The following GSE1 variants were observed in gnomAD, a reference collection of about 807,000 sequenced individuals.
GSE1 encodes Gse1 coiled-coil protein, also known as genetic suppressor element 1.
In GSE1, 32 loss-of-function variants were observed where a neutral mutation model predicts 112.6. The observed-to-expected ratio is 0.28, with a 90% CI of 0.21 to 0.38. The LOEUF (loss-of-function observed/expected upper bound fraction) is 0.38. Among genes scored for constraint, GSE1 ranks in the 10% least tolerant of loss-of-function variants. The probability of loss-of-function intolerance (pLI) is 1.00; values close to 1 mark genes in which losing one functional copy is unlikely to be tolerated. For synonymous variants in GSE1, 1,115 were observed against 735.6 expected (o/e 1.52, Z -8.35); for missense variants, 2,348 against 1,699.2 (o/e 1.38, Z -6.71).
At chr16:85,316,169 A>C (rs1235852111) in intron 1 of GSE1, among the ~76,000 whole-genome samples, 1 of 152,276 alleles carries the variant, frequency 6.6e-6, no homozygotes, top group African/African-American at 2.4e-5. Context: ...GTGCGACACC[A>C]GCCACCTATT....
chr16:85,230,150 C>T (rs546697803), intron 1 of GSE1, among the ~76,000 whole-genome samples: 2 of 152,322 alleles, frequency 1.3e-5, no homozygotes, highest in East Asian at 1.9e-4. Context: ...GCATTTTACA[C>T]GTAGGAAAAC....
intron 1 of GSE1, among the ~76,000 whole-genome samples, chr16:85,591,072 C>T (rs1291691128): frequency 6.6e-6 from 1 of 152,198 alleles, no homozygotes; most frequent in Non-Finnish European, 1.5e-5. Context: ...TACTCTTGTT[C>T]GTGTGGGAAG....
Position 85,650,553 on chromosome 16 carries a change from G to C in GSE1, c.426+1802G>C, listed in dbSNP as rs552335773. On this transcript the variant is annotated intron_variant, in intron 3 of 15. Coordinates refer to ENST00000253458, the MANE Select transcript of GSE1 (RefSeq NM_014615.5). Reference sequence around the variant, plus strand: ...TCCGGCGACTCCTCCGCTCTGAGCTGGTCCCTCCTCGGAGGGTCCTTACCG... The same window carrying C: ...TCCGGCGACTCCTCCGCTCTGAGCTCGTCCCTCCTCGGAGGGTCCTTACCG... 1.1e-4 allele frequency among the ~76,000 whole-genome samples: 16 copies of C among 152,332 alleles called. No homozygotes were observed. The South Asian group carries it at 3.3e-3, about 32-fold the overall frequency.
intron 1 of GSE1, among the ~76,000 whole-genome samples, chr16:85,346,606 TGATG>T (rs56147441): frequency 4.8e-4 from 69 of 143,404 alleles, no homozygotes; most frequent in African/African-American, 1.5e-3. Flanking sequence ...GATGGGTGGA[TGATG>T]GATGGATGGA....
chr16:85,398,544 G>A (rs747755423), intron 2 of GSE1, among the ~76,000 whole-genome samples: 2 of 152,150 alleles, frequency 1.3e-5, no homozygotes, highest in South Asian at 2.1e-4. Context: ...GAGGTAAAGC[G>A]TGGGAGAACT....
At chr16:85,440,365 T>C (rs1421086510) in intron 2 of GSE1, among the ~76,000 whole-genome samples, 1 of 152,228 alleles carries the variant, frequency 6.6e-6, no homozygotes, top group Non-Finnish European at 1.5e-5. Context: ...CCGTGTTCCT[T>C]TCCACTGCCC....
In GSE1 at chr16:85,660,687, A is replaced by G. The variant is rs191020419; in HGVS notation, c.1641-459A>G. Among the ~76,000 whole-genome samples, 62 of 150,830 alleles carry G rather than the reference A, an allele frequency of 4.1e-4. 1 individual carries two copies. The highest frequency in any genetic ancestry group is 1.4e-3 in the African/African-American group (59 of 41,184). On this transcript the variant is annotated intron_variant, in intron 8 of 15. Coordinates refer to ENST00000253458, the MANE Select transcript of GSE1 (RefSeq NM_014615.5). ...GCTCTGTCGCCTAGGCTGGAGTGCA[A>G]TGGCACGGTCTCAGCTCACTGCAAC...
chr16:85,451,237 C>A (rs989131289), intron 2 of GSE1, among the ~76,000 whole-genome samples: 9 of 152,204 alleles, frequency 5.9e-5, no homozygotes, highest in Admixed American at 4.6e-4. Flanking sequence ...GCAGAAAATT[C>A]CATGGTGTCC....
chr16:85,633,585 G>C (rs937044495), intron 1 of GSE1, among the ~76,000 whole-genome samples: 2 of 152,156 alleles, frequency 1.3e-5, no homozygotes, highest in Admixed American at 6.5e-5. Context: ...TGATGGTCAG[G>C]GGCCTGTTGG....
In GSE1 at chr16:85,247,325, T is replaced by C. The variant is rs566182998; in HGVS notation, c.2283+75518T>C. Among the ~76,000 whole-genome samples, 289 of 152,230 alleles carry C rather than the reference T, an allele frequency of 1.9e-3. 2 individuals are homozygous for C. The highest frequency in any genetic ancestry group is 6.1e-3 in the African/African-American group (253 of 41,544). The stretch of plus-strand genomic sequence containing the variant: ...TGTTGTTTGGACACATAATTGTCCA[T>C]TGGACATTGGATGGACAATGGATGG... On this transcript the variant is annotated intron_variant, in intron 1 of 2. Coordinates refer to the GSE1 transcript ENST00000637419.
chr16:85,493,148 C>T (rs1304378665), intron 2 of GSE1, among the ~76,000 whole-genome samples: 1 of 152,108 alleles, frequency 6.6e-6, no homozygotes, highest in African/African-American at 2.4e-5. Flanking sequence ...TGCAGAGGCC[C>T]CAGGCAGAAC....
chr16:85,649,552 T>C (rs1472614936), intron 3 of GSE1, among the ~76,000 whole-genome samples: 3 of 152,184 alleles, frequency 2.0e-5, no homozygotes. Flanking sequence ...CCTGCCTGTG[T>C]GGAAGGAGCT....
At chr16:85,589,154 C>A (rs1216711979) in intron 1 of GSE1, among the ~76,000 whole-genome samples, 2 of 152,156 alleles carry the variant, frequency 1.3e-5, no homozygotes, top group Non-Finnish European at 2.9e-5. Flanking sequence ...GGCCCCACCC[C>A]CACCGGCTTC....
At position 85,383,749 on chromosome 16, in the gene GSE1, C is replaced by T. The variant is rs530976959; in HGVS notation, c.2464+26106C>T. Among the ~76,000 whole-genome samples, 3 of 152,210 alleles carry T rather than the reference C, an allele frequency of 2.0e-5. No individual in the cohort carries two copies. The South Asian group carries it at 6.2e-4, about 32-fold the overall frequency. ...GTGGCTGGCTCGTGAGGGTGGCTGA[C>T]CCTGGCAGGGTTAAGAGGGGTCTAC... On this transcript the variant is annotated intron_variant, in intron 2 of 2. Transcript: ENST00000637419.
At chr16:85,305,683 T>C (rs539653026) in intron 1 of GSE1, among the ~76,000 whole-genome samples, 1 of 151,946 alleles carries the variant, frequency 6.6e-6, no homozygotes, top group Non-Finnish European at 1.5e-5. Flanking sequence ...CCCATGTTGG[T>C]CAGGCTGGTT....
At chr16:85,433,630 GGA>G (rs2049174111) in intron 2 of GSE1, among the ~76,000 whole-genome samples, 1 of 150,152 alleles carries the variant, frequency 6.7e-6, no homozygotes, top group Non-Finnish European at 1.5e-5. Flanking sequence ...ATGGATGGAT[GGA>G]GAGATGATTG....
At chr16:85,590,619 G>A (rs1041820316) in intron 1 of GSE1, among the ~76,000 whole-genome samples, 1 of 152,016 alleles carries the variant, frequency 6.6e-6, no homozygotes, top group Non-Finnish European at 1.5e-5. Context: ...TTGTGTGCAT[G>A]TGTGAATGCG....
intron 2 of GSE1, among the ~76,000 whole-genome samples, chr16:85,447,366 G>T (rs537112867): frequency 4.6e-5 from 7 of 152,350 alleles, no homozygotes; most frequent in Middle Eastern, 3.4e-3. Context: ...GGGGTTCACA[G>T]TTCAGGGTTC....
chr16:85,620,258 C>G (rs2048646747), intron 1 of GSE1, among the ~76,000 whole-genome samples: 1 of 152,172 alleles, frequency 6.6e-6, no homozygotes, highest in Non-Finnish European at 1.5e-5. Flanking sequence ...CCACTGCACC[C>G]CAGCCTGGGT....
Sources: gnomAD v4.1 joint callset for allele counts (sites outside exome capture counted in the v4.1 genomes callset) on GRCh38, gnomAD v4.1.1 for gene constraint, MANE v1.5 for transcripts, NCBI Gene and HGNC (gene_info 2026-07-23, HGNC 2026-07-21) for gene names.